IGF1R: variants seen among roughly 807,000 people sequenced by gnomAD.
IGF1R encodes the protein insulin-like growth factor 1 receptor.
IGF1R carries 44 observed loss-of-function variants against 144.6 expected under a neutral mutation model. The ratio of observed to expected loss-of-function variants is 0.30; its 90% CI spans 0.24 to 0.39. The LOEUF is 0.39. IGF1R is among the 10% of genes least tolerant of loss of function. IGF1R has a pLI of 1.00. For missense variants in IGF1R, 1,355 were observed against 1,833.7 expected (o/e 0.74, Z 4.77); for synonymous variants, 795 against 722.8 (o/e 1.10, Z -1.60).
intron 2 of IGF1R, chr15:98,890,479 T>A (rs2013851893): frequency 6.6e-6 from 1 of 152,226 alleles, no homozygotes; most frequent in African/African-American, 2.4e-5. Context: ...GTATGAATAA[T>A]CCACCCCTTG....
At chr15:98,767,358 C>T (rs2055459697) in intron 2 of IGF1R, among the ~76,000 whole-genome samples, 1 of 152,132 alleles carries the variant, frequency 6.6e-6, no homozygotes, top group Non-Finnish European at 1.5e-5. Flanking sequence ...GAGCACTGAC[C>T]CTTCTGTCAG....
intron 2 of IGF1R, among the ~76,000 whole-genome samples, chr15:98,870,122 C>T (rs2012704591): frequency 6.6e-6 from 1 of 152,170 alleles, no homozygotes; most frequent in Non-Finnish European, 1.5e-5. Flanking sequence ...ATAAAATTTA[C>T]CATCCAACCG....
At chr15:98,673,073 TA>T (rs2052939263) in intron 1 of IGF1R, among the ~76,000 whole-genome samples, 1 of 152,154 alleles carries the variant, frequency 6.6e-6, no homozygotes, top group Non-Finnish European at 1.5e-5. Context: ...TGGCTCACTG[TA>T]ACCTTGAACT....
intron 2 of IGF1R, among the ~76,000 whole-genome samples, chr15:98,869,976 T>G (rs1366591285): frequency 6.6e-6 from 1 of 151,860 alleles, no homozygotes; most frequent in African/African-American, 2.4e-5. Flanking sequence ...GCATTACAAG[T>G]ATATACTGAG....
At chr15:98,751,897 T>G (rs1325320207) in intron 2 of IGF1R, among the ~76,000 whole-genome samples, 1 of 152,108 alleles carries the variant, frequency 6.6e-6, no homozygotes, top group Non-Finnish European at 1.5e-5. Flanking sequence ...TCTCCCACCC[T>G]TTCCCTTCCC....
At chr15:98,781,451 T>G (rs1172347131) in intron 2 of IGF1R, among the ~76,000 whole-genome samples, 1 of 152,184 alleles carries the variant, frequency 6.6e-6, no homozygotes, top group African/African-American at 2.4e-5. Context: ...ATTAGAAGAT[T>G]TTACTGTTCC....
Position 98,809,378 on chromosome 15 carries a change from A to C in IGF1R, c.641-81947A>C, listed in dbSNP as rs561735909. Among the ~76,000 whole-genome samples the C allele has an allele frequency of 6.6e-5, 10 of 152,252 alleles. No individual in the cohort carries two copies. The South Asian group carries it at 2.1e-3, about 32-fold the overall frequency. Reference sequence around the variant, plus strand: ...GAGCCTGCAAGGGCTTCCTTCTGCGAAGGTGAGTCTGGGAGAGACGCCATG... The same window carrying C: ...GAGCCTGCAAGGGCTTCCTTCTGCGCAGGTGAGTCTGGGAGAGACGCCATG... On this transcript the variant is annotated intron_variant, in intron 2 of 20. Transcript: ENST00000650285.
chr15:98,743,082 C>G (rs1038273606), intron 2 of IGF1R, among the ~76,000 whole-genome samples: 2 of 152,056 alleles, frequency 1.3e-5, no homozygotes, highest in African/African-American at 4.8e-5. Flanking sequence ...AGGTTTTGTT[C>G]GTTATTTTTT....
chr15:98,832,760 CTG>C (rs1235350910), intron 2 of IGF1R, among the ~76,000 whole-genome samples: 4 of 152,152 alleles, frequency 2.6e-5, no homozygotes, highest in Admixed American at 1.3e-4. Context: ...TCTTCCAAAA[CTG>C]TGTTTGCTTG....
At chr15:98,890,160 T>G (rs1019798305) in intron 2 of IGF1R, among the ~76,000 whole-genome samples, 2 of 152,168 alleles carry the variant, frequency 1.3e-5, no homozygotes, top group African/African-American at 4.8e-5. Context: ...ACTCACCCAC[T>G]TGTCAGAGGC....
rs367718351 is a variant in IGF1R at position 98,865,782 on chromosome 15, T to C, written c.641-25543T>C. Among the ~76,000 whole-genome samples, 8 of 152,328 alleles carry C rather than the reference T, an allele frequency of 5.3e-5. No homozygotes were observed. The East Asian group carries it at 1.5e-3, about 29-fold the overall frequency. On this transcript the variant is annotated intron_variant, in intron 2 of 20. Transcript: ENST00000650285. ...CCAGTCATGCTGCCTCGCTGGGAAGTGGAGGGCTCAGGATTCCCGTGGTTC... is the reference window on the plus strand; with the variant it reads ...CCAGTCATGCTGCCTCGCTGGGAAGCGGAGGGCTCAGGATTCCCGTGGTTC...
chr15:98,956,974 C>T lies in IGF1R; in HGVS notation c.3723-87C>T, dbSNP rs956542858. The T allele has an allele frequency of 2.1e-5, 31 of 1,446,804 alleles. No homozygotes were observed. The South Asian group carries it at 2.4e-4, about 11-fold the overall frequency. The allele number at this position is 1,446,804 out of a possible 1,614,324, so 89.6% of individuals were successfully genotyped here. ...AGTGCTCCCGCCGTACGCTTGTATG[C>T]GGGAAACCACTGCAGGCGGCCCATG... On this transcript the variant is annotated intron_variant, in intron 20 of 20. Coordinates refer to ENST00000650285, the MANE Select transcript of IGF1R (RefSeq NM_000875.5).
At chr15:98,728,017 T>G (rs940319106) in intron 2 of IGF1R, among the ~76,000 whole-genome samples, 1 of 150,386 alleles carries the variant, frequency 6.6e-6, no homozygotes, top group African/African-American at 2.4e-5. Context: ...GTTTTTTTTT[T>G]TTTTTTTTTT....
At chr15:98,679,104 G>A (rs190559191) in intron 1 of IGF1R, among the ~76,000 whole-genome samples, 48 of 151,898 alleles carry the variant, frequency 3.2e-4, no homozygotes, top group African/African-American at 1.1e-3. Flanking sequence ...ACAGAGTCTC[G>A]CTATGTTCCC....
At chr15:98,680,502 G>T (rs976520651) in intron 1 of IGF1R, among the ~76,000 whole-genome samples, 1 of 151,938 alleles carries the variant, frequency 6.6e-6, no homozygotes, top group Admixed American at 6.6e-5. Context: ...TCCTGACCTC[G>T]TGATCCACCC....
Position 98,962,059 on chromosome 15 carries a change from C to T in IGF1R, c.*4617C>T. 8.6e-6 allele frequency: 2 copies of T among 233,358 alleles called. No individual in the cohort carries two copies. Among genetic ancestry groups the T allele is most frequent in the African/African-American group, 2.2e-5 (1 of 45,486 alleles). The allele number at this position is 233,358 out of a possible 1,614,324, so 14.5% of individuals were successfully genotyped here. ...GTTTGTTCCACTGAAGCTTTTCCCA[C>T]AGCAGTCCACCTCTGCAGGCTGGCA... On this transcript the variant is annotated 3_prime_UTR_variant, in exon 21 of 21. Coordinates refer to ENST00000650285, the MANE Select transcript of IGF1R (RefSeq NM_000875.5).
chr15:98,860,324 G>A (rs139029492), intron 2 of IGF1R, among the ~76,000 whole-genome samples: 1 of 152,242 alleles, frequency 6.6e-6, no homozygotes, highest in African/African-American at 2.4e-5. Context: ...TAGTAGAAAT[G>A]TGGATCTTGA....
At chr15:98,736,617 C>CTTTTTTTT (rs969700504) in intron 2 of IGF1R, among the ~76,000 whole-genome samples, 1 of 133,044 alleles carries the variant, frequency 7.5e-6, no homozygotes, top group Non-Finnish European at 1.6e-5. Context: ...TTTCTTTTTT[C>CTTTTTTTT]TTTTTTTTTT....
chr15:98,924,779 T>A, intron 13 of IGF1R, 95 bp downstream of exon 13: 1 of 1,175,724 alleles, frequency 8.5e-7, no homozygotes, highest in Non-Finnish European at 1.3e-6. Context: ...TCTTATTTTC[T>A]GTTAAAATGG....
Sources: gnomAD v4.1 joint callset for allele counts (sites outside exome capture counted in the v4.1 genomes callset) on GRCh38, gnomAD v4.1.1 for gene constraint, MANE v1.5 for transcripts, NCBI Gene and HGNC (gene_info 2026-07-23, HGNC 2026-07-21) for gene names.